COMMD1: variants seen among roughly 807,000 people sequenced by gnomAD.
The protein encoded by COMMD1 is copper metabolism domain containing 1.
A neutral mutation model predicts 17.2 loss-of-function variants in COMMD1; 10 were observed. That is an observed-to-expected ratio of 0.58 (90% CI 0.36 to 0.99). The LOEUF (loss-of-function observed/expected upper bound fraction) is 0.99, where lower values mean the gene tolerates loss of function less well. COMMD1 is among the 50% of genes least tolerant of loss of function. The pLI is 0.01. For missense variants in COMMD1, 270 were observed against 231.8 expected (o/e 1.17, Z -1.07); for synonymous variants, 97 against 91.6 (o/e 1.06, Z -0.34).
At chr2:62,134,956 T>G (rs1673149788) in intron 2 of COMMD1, among the ~76,000 whole-genome samples, 1 of 152,182 alleles carries the variant, frequency 6.6e-6, no homozygotes, top group South Asian at 2.1e-4. Flanking sequence ...GGCTCATGTT[T>G]CCCAAGCAAC....
intron 2 of COMMD1, among the ~76,000 whole-genome samples, chr2:62,103,214 G>A (rs572354871): frequency 1.3e-5 from 2 of 152,202 alleles, no homozygotes; most frequent in East Asian, 1.9e-4. Flanking sequence ...TCCTGACCTC[G>A]TGATCCGCCT....
intron 1 of COMMD1, among the ~76,000 whole-genome samples, chr2:61,970,379 T>A (rs1169837006): frequency 1.3e-5 from 2 of 152,176 alleles, no homozygotes; most frequent in African/African-American, 4.8e-5. Context: ...GGGGAATTAG[T>A]TCTAGGATCT....
At chr2:61,894,304 G>C (rs1272282441) in intron 1 of COMMD1, among the ~76,000 whole-genome samples, 2 of 152,106 alleles carry the variant, frequency 1.3e-5, no homozygotes, top group African/African-American at 4.8e-5. Flanking sequence ...TTTTTGCCAT[G>C]TTGGCCAGGC....
chr2:61,947,584 G>C (rs1670940743), intron 1 of COMMD1, among the ~76,000 whole-genome samples: 1 of 152,104 alleles, frequency 6.6e-6, no homozygotes, highest in South Asian at 2.1e-4. Flanking sequence ...TCGGGAGGCT[G>C]AGGCAGGAGA....
At chr2:61,921,855 T>G (rs1670204896) in intron 1 of COMMD1, among the ~76,000 whole-genome samples, 1 of 152,196 alleles carries the variant, frequency 6.6e-6, no homozygotes, top group East Asian at 1.9e-4. Flanking sequence ...GAAACAGCCA[T>G]TGTGTTTCTT....
upstream of COMMD1, chr2:61,905,541 A>G (rs1354262708): frequency 1.3e-6 from 1 of 785,662 alleles, no homozygotes; most frequent in Non-Finnish European, 2.0e-6. Context: ...GTAAGCTGCC[A>G]ACTCTGACCC....
chr2:62,048,556 G>A (rs1670448568), intron 2 of COMMD1, among the ~76,000 whole-genome samples: 1 of 152,092 alleles, frequency 6.6e-6, no homozygotes, highest in African/African-American at 2.4e-5. Flanking sequence ...AATATTAATG[G>A]TCATGCAAGA....
rs542224859 is a variant in COMMD1 at position 62,120,980 on chromosome 2, G to A, written c.463-14851G>A. Among the ~76,000 whole-genome samples, 16 of 151,978 alleles carry A rather than the reference G, an allele frequency of 1.1e-4. No homozygotes were observed. The South Asian group carries it at 3.3e-3, about 32-fold the overall frequency. On this transcript the variant is annotated intron_variant, in intron 2 of 2. Transcript: ENST00000311832. Reference sequence around the variant, plus strand: ...GCTGGTTGTGAACTCCTGAGCTCGGGCAATCTACACACCTTGGCCTCCCAA... The same window carrying A: ...GCTGGTTGTGAACTCCTGAGCTCGGACAATCTACACACCTTGGCCTCCCAA...
chr2:62,109,191 A>C (rs1672391125), intron 2 of COMMD1, among the ~76,000 whole-genome samples: 1 of 152,256 alleles, frequency 6.6e-6, no homozygotes, highest in African/African-American at 2.4e-5. Context: ...TGAAAGAATT[A>C]GCATACCAAG....
intron 2 of COMMD1, among the ~76,000 whole-genome samples, chr2:62,098,703 C>T (rs557680197): frequency 2.0e-5 from 3 of 152,300 alleles, no homozygotes; most frequent in Admixed American, 1.3e-4. Context: ...AATCTGTAAC[C>T]GTGGAGAATA....
chr2:62,059,924 C>G (rs1670810956), intron 2 of COMMD1, among the ~76,000 whole-genome samples: 1 of 151,050 alleles, frequency 6.6e-6, no homozygotes, highest in Admixed American at 6.7e-5. Context: ...TTTTTTACTT[C>G]TTACAGCTTA....
intron 1 of COMMD1, among the ~76,000 whole-genome samples, chr2:61,925,174 G>A (rs1350201552): frequency 6.6e-6 from 1 of 151,864 alleles, no homozygotes; most frequent in East Asian, 1.9e-4. Context: ...GGAGAGGGGT[G>A]TTAGGGGAGG....
intron 1 of COMMD1, among the ~76,000 whole-genome samples, chr2:61,912,463 G>A (rs984704942): frequency 1.3e-5 from 2 of 152,174 alleles, no homozygotes; most frequent in African/African-American, 2.4e-5. Flanking sequence ...TAGGCCAGGT[G>A]CGGTGGCTCA....
At chr2:61,954,730 A>G (rs973964275) in intron 1 of COMMD1, among the ~76,000 whole-genome samples, 6 of 151,924 alleles carry the variant, frequency 3.9e-5, no homozygotes, top group African/African-American at 1.5e-4. Flanking sequence ...TGCCCAGGCT[A>G]GAGTGCAATG....
At chr2:62,062,217 T>G (rs77211867) in intron 2 of COMMD1, among the ~76,000 whole-genome samples, 3,470 of 148,238 alleles carry the variant, frequency 0.023, 90 homozygotes, top group African/African-American at 0.06. Context: ...TGTTTTTCGG[T>G]TTTTTTTTGT....
chr2:61,928,950 A>T (rs4672471), intron 1 of COMMD1, among the ~76,000 whole-genome samples: 17,767 of 152,230 alleles, frequency 0.12, 2,432 homozygotes, highest in African/African-American at 0.33. Flanking sequence ...CTGGAATGCA[A>T]GGAATGGCAA....
intron 2 of COMMD1, among the ~76,000 whole-genome samples, chr2:62,073,236 G>A (rs1357185873): frequency 6.6e-6 from 1 of 152,250 alleles, no homozygotes; most frequent in African/African-American, 2.4e-5. Flanking sequence ...GAGAATCTCT[G>A]TTAATGCAAC....
chr2:61,960,150 T>TAGTGG (rs1353569057), intron 1 of COMMD1, among the ~76,000 whole-genome samples: 1 of 152,040 alleles, frequency 6.6e-6, no homozygotes, highest in African/African-American at 2.4e-5. Context: ...CACACTGTAA[T>TAGTGG]AGTGGATAGC....
At chr2:62,037,701 C>G (rs1412272325) in intron 2 of COMMD1, among the ~76,000 whole-genome samples, 2 of 152,184 alleles carry the variant, frequency 1.3e-5, no homozygotes, top group African/African-American at 4.8e-5. Flanking sequence ...ATACATGGCT[C>G]TGGCCCTAAT....
Sources: gnomAD v4.1 joint callset for allele counts (sites outside exome capture counted in the v4.1 genomes callset) on GRCh38, gnomAD v4.1.1 for gene constraint, MANE v1.5 for transcripts, NCBI Gene and HGNC (gene_info 2026-07-23, HGNC 2026-07-21) for gene names.